Variants in B3GALT1 observed in about 807,000 individuals in gnomAD.
B3GALT1 encodes the protein UDP-Gal:betaGlcNAc beta 1,3-galactosyltransferase, polypeptide 1.
Under a neutral mutation model 23.2 loss-of-function variants are expected in B3GALT1, and 10 were observed. The observed-to-expected ratio is 0.43, with a 90% CI of 0.27 to 0.73. The LOEUF (loss-of-function observed/expected upper bound fraction) is 0.73, where lower values mean the gene tolerates loss of function less well. B3GALT1 is among the 30% of genes least tolerant of loss of function. The probability of loss-of-function intolerance (pLI) is 0.21; values close to 1 mark genes in which losing one functional copy is unlikely to be tolerated. For missense variants in B3GALT1, 299 were observed against 405.4 expected, an observed-to-expected ratio of 0.74 and a Z score of 2.25; for synonymous variants, 156 against 141.5, an observed-to-expected ratio of 1.10 and a Z score of -0.73.
At chr2:167,868,737 C>T (rs910877546) in intron 4 of B3GALT1, among the ~76,000 whole-genome samples, 74 bp from the exon 5 acceptor site, 3 of 152,094 alleles carry the variant, frequency 2.0e-5, no homozygotes, top group South Asian at 2.1e-4. Flanking sequence ...TTCTTATACC[C>T]TTGTTATGTT....
At chr2:167,467,943 G>T (rs1472871663) in intron 1 of B3GALT1, among the ~76,000 whole-genome samples, 1 of 152,138 alleles carries the variant, frequency 6.6e-6, no homozygotes, top group Non-Finnish European at 1.5e-5. Flanking sequence ...GAGGAAAGTA[G>T]ATAATAAGCA....
chr2:167,607,031 G>T (rs1489188479), intron 2 of B3GALT1, among the ~76,000 whole-genome samples: 2 of 152,120 alleles, frequency 1.3e-5, no homozygotes, highest in African/African-American at 4.8e-5. Flanking sequence ...TTTATGAAAT[G>T]CTTGGTATGT....
Position 167,390,092 on chromosome 2 carries a change from A to G in B3GALT1, c.-511+96758A>G, listed in dbSNP as rs773217387. Among the ~76,000 whole-genome samples, 8 of 152,226 alleles carry G rather than the reference A, an allele frequency of 5.3e-5. No individual in the cohort carries two copies. In the South Asian group the frequency reaches 8.3e-4, roughly 16 times the overall value. On this transcript the variant is annotated intron_variant, in intron 1 of 4. Coordinates refer to ENST00000392690, the MANE Select transcript of B3GALT1 (RefSeq NM_020981.4). ...GGAAAGAGGAGAAAATCTCAGCTAC[A>G]CAGGATCTCAGGACGAACCCTTCAC... is the stretch of plus-strand genomic sequence containing the variant.
chr2:167,445,230 C>A (rs763072525), intron 1 of B3GALT1, among the ~76,000 whole-genome samples: 14 of 152,152 alleles, frequency 9.2e-5, no homozygotes, highest in Non-Finnish European at 1.9e-4. Flanking sequence ...GTCTGAGTGA[C>A]AGTTTGTTAT....
At chr2:167,504,379 C>T (rs1030437962) in intron 2 of B3GALT1, among the ~76,000 whole-genome samples, 1 of 152,108 alleles carries the variant, frequency 6.6e-6, no homozygotes, top group Admixed American at 6.6e-5. Context: ...ATATGTCACC[C>T]ATGAAAACAA....
intron 2 of B3GALT1, among the ~76,000 whole-genome samples, chr2:167,594,911 AAAAAG>A (rs1304989051): frequency 3.3e-5 from 5 of 152,292 alleles, no homozygotes; most frequent in South Asian, 2.1e-4. Flanking sequence ...GTCTCAAAAA[AAAAAG>A]AAAAGAAACA....
chr2:167,748,182 T>TACA lies in B3GALT1; in HGVS notation c.-351-70490_-351-70489insACA, dbSNP rs1472834280. 3.9e-5 allele frequency among the ~76,000 whole-genome samples: 6 copies of TACA among 152,124 alleles called. No homozygotes were observed. The East Asian group carries it at 9.6e-4, about 24-fold the overall frequency. On this transcript the variant is annotated intron_variant, in intron 3 of 4. Coordinates refer to ENST00000392690, the MANE Select transcript of B3GALT1 (RefSeq NM_020981.4). ...TGGAAAGCACAGATGAAGCACAATG[T>TACA]GATATGTGGGGAGTGTTAAACAATG...
intron 4 of B3GALT1, among the ~76,000 whole-genome samples, chr2:167,819,780 C>G (rs1440206947): frequency 2.6e-5 from 4 of 152,196 alleles, no homozygotes; most frequent in Admixed American, 6.5e-5. Flanking sequence ...CAACAAAACT[C>G]CAATTCACCA....
intron 1 of B3GALT1, among the ~76,000 whole-genome samples, chr2:167,485,383 G>A (rs1699612203): frequency 6.6e-6 from 1 of 151,996 alleles, no homozygotes; most frequent in African/African-American, 2.4e-5. Context: ...CTAACAATCA[G>A]GATAGTATCT....
intron 3 of B3GALT1, among the ~76,000 whole-genome samples, chr2:167,685,191 T>C (rs565561727): frequency 6.6e-6 from 1 of 152,320 alleles, no homozygotes; most frequent in Admixed American, 6.5e-5. Flanking sequence ...AGTCTGTCAG[T>C]CTGCAAATAT....
At chr2:167,433,641 AAATT>A in intron 1 of B3GALT1, among the ~76,000 whole-genome samples, 1 of 152,240 alleles carries the variant, frequency 6.6e-6, no homozygotes, top group South Asian at 2.1e-4. Context: ...ACACAACAGA[AAATT>A]AAAGAGTGTA....
intron 4 of B3GALT1, among the ~76,000 whole-genome samples, chr2:167,849,198 A>G (rs1689821347): frequency 6.6e-6 from 1 of 152,210 alleles, no homozygotes; most frequent in South Asian, 2.1e-4. Flanking sequence ...TCAAAATACC[A>G]CCATCATTCT....
chr2:167,865,608 C>T (rs911870832), intron 4 of B3GALT1, among the ~76,000 whole-genome samples: 2 of 151,874 alleles, frequency 1.3e-5, no homozygotes, highest in African/African-American at 4.8e-5. Flanking sequence ...TGGCTAACAC[C>T]GTGAAACCCC....
chr2:167,739,333 A>C (rs1047620648), intron 3 of B3GALT1, among the ~76,000 whole-genome samples: 3 of 152,212 alleles, frequency 2.0e-5, no homozygotes, highest in African/African-American at 7.2e-5. Flanking sequence ...GAAAGCCCAG[A>C]AACCTATTCA....
intron 2 of B3GALT1, among the ~76,000 whole-genome samples, chr2:167,502,107 C>T (rs1340313202): frequency 6.6e-6 from 1 of 152,134 alleles, no homozygotes; most frequent in Non-Finnish European, 1.5e-5. Context: ...CTGAAAGGCA[C>T]TGGACAAGCT....
intron 1 of B3GALT1, among the ~76,000 whole-genome samples, chr2:167,326,591 A>G (rs1283123791): frequency 1.3e-5 from 2 of 151,988 alleles, no homozygotes; most frequent in Admixed American, 6.6e-5. Context: ...CTTTAATCCA[A>G]ATTGAGTTGA....
At chr2:167,590,684 T>TTTC (rs1684664685) in intron 2 of B3GALT1, among the ~76,000 whole-genome samples, 1 of 152,222 alleles carries the variant, frequency 6.6e-6, no homozygotes, top group Non-Finnish European at 1.5e-5. Context: ...TTTTACACAT[T>TTTC]TTCTAACACT....
chr2:167,524,253 A>C (rs950707621), intron 2 of B3GALT1, among the ~76,000 whole-genome samples: 2 of 152,174 alleles, frequency 1.3e-5, no homozygotes, highest in African/African-American at 4.8e-5. Context: ...AATCATACTA[A>C]TTTAATACCT....
chr2:167,804,683 T>A (rs1252007898), intron 3 of B3GALT1, among the ~76,000 whole-genome samples: 1 of 152,216 alleles, frequency 6.6e-6, no homozygotes, highest in East Asian at 1.9e-4. Context: ...TGCATACTAT[T>A]CCATGGTGTA....
Sources: gnomAD v4.1 joint callset for allele counts (sites outside exome capture counted in the v4.1 genomes callset) on GRCh38, gnomAD v4.1.1 for gene constraint, MANE v1.5 for transcripts, NCBI Gene and HGNC (gene_info 2026-07-23, HGNC 2026-07-21) for gene names.